The following KMT2E variants were observed in gnomAD, a reference collection of about 807,000 sequenced individuals.
The protein encoded by KMT2E is lysine methyltransferase 2E (inactive).
Under a neutral mutation model 184.6 loss-of-function variants are expected in KMT2E, and 30 were observed. The observed-to-expected ratio is 0.16, with a 90% CI of 0.12 to 0.22. The LOEUF (loss-of-function observed/expected upper bound fraction) is 0.22, where lower values mean the gene tolerates loss of function less well. Among genes scored for constraint, KMT2E ranks in the 10% least tolerant of loss-of-function variants. The pLI is 1.00. For missense variants in KMT2E, 2,023 were observed against 2,237.4 expected, an observed-to-expected ratio of 0.90 and a Z score of 1.93; for synonymous variants, 815 against 776.5, an observed-to-expected ratio of 1.05 and a Z score of -0.82.
chr7:105,095,809 T>A (rs925252430), intron 15 of KMT2E, among the ~76,000 whole-genome samples: 2 of 152,172 alleles, frequency 1.3e-5, no homozygotes, highest in Admixed American at 1.3e-4. Flanking sequence ...CTACTGAGTG[T>A]CCTCCTAGTA....
intron 17 of KMT2E, chr7:105,104,093 G>C (rs1349038677): frequency 6.6e-6 from 1 of 152,046 alleles, no homozygotes; most frequent in Non-Finnish European, 1.5e-5. Flanking sequence ...CCAAAGTGCT[G>C]TGATTACAGG....
intron 1 of KMT2E, among the ~76,000 whole-genome samples, chr7:105,019,100 G>C (rs1278937478): frequency 2.0e-5 from 3 of 151,896 alleles, no homozygotes; most frequent in South Asian, 2.1e-4. Flanking sequence ...TTGTTTTTTT[G>C]TTATTGTGAA....
At chr7:105,027,894 T>C (rs1346985039) in intron 1 of KMT2E, among the ~76,000 whole-genome samples, 1 of 152,122 alleles carries the variant, frequency 6.6e-6, no homozygotes, top group Non-Finnish European at 1.5e-5. Context: ...AGTCTTAAGA[T>C]TTTTATAGTA....
intron 8 of KMT2E, 95 bp downstream of exon 8, chr7:105,074,910 A>T: frequency 1.2e-6 from 1 of 846,524 alleles, no homozygotes; most frequent in African/African-American, 1.8e-5. Context: ...AATCGATGAT[A>T]GCTAAAAAGG....
chr7:105,083,939 T>C (rs377155552), intron 13 of KMT2E, among the ~76,000 whole-genome samples: 2 of 152,188 alleles, frequency 1.3e-5, no homozygotes, highest in South Asian at 2.1e-4. Context: ...ATTCCTTTTG[T>C]TTTATGTTAT....
At chr7:105,066,580 C>CA in intron 5 of KMT2E, 147 bp from the exon 6 acceptor site, 2 of 558,898 alleles carry the variant, frequency 3.6e-6, no homozygotes, top group Non-Finnish European at 3.1e-6. Context: ...GCCTTGAAGA[C>CA]ACGTTTCTAT....
At chr7:105,014,588 C>G (rs1051450847) in intron 1 of KMT2E, 53 bp downstream of exon 1, 2 of 151,806 alleles carry the variant, frequency 1.3e-5, no homozygotes, top group Non-Finnish European at 2.9e-5. Flanking sequence ...GGTTGGGGTA[C>G]TTGTGTTTCA....
rs373934878 is a variant in KMT2E, at chr7:105,112,538, A to G, written c.4782A>G (p.Thr1594=). Residue 1594 remains threonine, a synonymous_variant, in exon 27 of 27, where the codon ACA becomes ACG. Coordinates refer to ENST00000311117, the MANE Select transcript of KMT2E (RefSeq NM_182931.3). ...SGPNQALPGT[T]SQQTVPGHHV... ...CAAATCAAGCACTTCCTGGCACCAC[A>G]AGCCAGCAAACAGTTCCAGGACACC... 8.1e-6 allele frequency: 13 copies of G among 1,613,986 alleles called. No individual in the cohort carries two copies. The African/African-American group carries it at 1.3e-4, about 17-fold the overall frequency.
Position 105,014,260 on chromosome 7 carries a change from CG to C in KMT2E, c.-462del. 1 of 175,442 alleles carries C rather than the reference CG, an allele frequency of 5.7e-6. No individual in the cohort carries two copies. Among genetic ancestry groups the C allele is most frequent in the Non-Finnish European group, 1.2e-5 (1 of 84,410 alleles). 10.9% of individuals were successfully genotyped at this position (175,442 alleles called of 1,614,324 possible). Reference sequence around the variant, plus strand: ...CAGGGGGCCGAGTCGGAGACCGTGCCGGAGTTCGGGAGCGGCAACAGAGTGG... The same window carrying C: ...CAGGGGGCCGAGTCGGAGACCGTGCCGAGTTCGGGAGCGGCAACAGAGTGG... On this transcript the variant is annotated 5_prime_UTR_variant, in exon 1 of 27. Coordinates refer to ENST00000311117, the MANE Select transcript of KMT2E (RefSeq NM_182931.3).
chr7:105,019,255 A>G (rs1386771485), intron 1 of KMT2E, among the ~76,000 whole-genome samples: 2 of 152,208 alleles, frequency 1.3e-5, no homozygotes, highest in Non-Finnish European at 2.9e-5. Context: ...CAGAGTCAGG[A>G]AAAGCAGTTG....
intron 13 of KMT2E, 125 bp from the exon 14 acceptor site, chr7:105,089,884 A>G (rs1407224408): frequency 7.3e-7 from 1 of 1,372,702 alleles, no homozygotes; most frequent in African/African-American, 1.5e-5. Context: ...AAATTACTAA[A>G]AAGGATTGCT....
At chr7:105,108,340 T>C (rs1377069288) in intron 22 of KMT2E, among the ~76,000 whole-genome samples, 1 of 152,188 alleles carries the variant, frequency 6.6e-6, no homozygotes, top group African/African-American at 2.4e-5. Flanking sequence ...AGGCCATGGA[T>C]GTAAGAGTGT....
Position 105,113,021 on chromosome 7 carries a change from T to C in KMT2E, c.5265T>C (p.His1755=). The change falls in exon 27 of 27, where the codon CAT becomes CAC. Residue 1755 remains histidine, a synonymous_variant. Coordinates refer to ENST00000311117, the MANE Select transcript of KMT2E (RefSeq NM_182931.3). ...CTCCACTTTTTCCTTCGAGTGCTCA[T>C]CCAACTGTACCACCGTATCCCTCAC... ...QGPPLFPSSA[H]PTVPPYPSQA... 6.2e-7 allele frequency: 1 copy of C among 1,613,994 alleles called. No individual in the cohort carries two copies. Among genetic ancestry groups the C allele is most frequent in the Non-Finnish European group, 8.5e-7 (1 of 1,180,014 alleles).
intron 13 of KMT2E, among the ~76,000 whole-genome samples, chr7:105,089,802 G>A (rs1188012508): frequency 6.6e-6 from 1 of 151,856 alleles, no homozygotes; most frequent in Non-Finnish European, 1.5e-5. Context: ...CTAATATCTG[G>A]TCAGAAATCA....
Position 105,074,653 on chromosome 7 carries a change from C to T in KMT2E, c.567C>T (p.Thr189=), listed in dbSNP as rs767188561. ...TTATTTTGTCTGAAGATGGTGATAC[C>T]AGTGCAACTGAGAGTGGTGATGAGG... The part of the protein sequence containing the change: ...RKRENMSDGD[T]SATESGDEVP... Residue 189 remains threonine (T), a synonymous_variant, in exon 8 of 27, where the codon ACC becomes ACT. Transcript: ENST00000311117. 2 of 1,524,258 alleles carry T rather than the reference C, an allele frequency of 1.3e-6. No homozygotes were observed. The highest frequency in any genetic ancestry group is 1.3e-5 in the South Asian group (1 of 76,536). The allele number at this position is 1,524,258 out of a possible 1,614,324, so 94.4% of individuals were successfully genotyped here. A position where few individuals can be genotyped will look rare whatever the true frequency, so the allele number is the denominator to read the frequency against.
chr7:105,066,249 CCTT>C (rs1035871249), intron 5 of KMT2E, among the ~76,000 whole-genome samples: 8 of 152,138 alleles, frequency 5.3e-5, no homozygotes, highest in Middle Eastern at 3.2e-3. Flanking sequence ...ATTTTAACCT[CCTT>C]CTATTTCTCA....
chr7:105,030,588 G>T (rs560785948), intron 1 of KMT2E, among the ~76,000 whole-genome samples: 1 of 152,292 alleles, frequency 6.6e-6, no homozygotes, highest in South Asian at 2.1e-4. Context: ...GGCTTTTGAA[G>T]TATAATATTC....
intron 11 of KMT2E, among the ~76,000 whole-genome samples, chr7:105,078,486 A>G (rs953821272): frequency 1.3e-5 from 2 of 151,866 alleles, no homozygotes; most frequent in Admixed American, 1.3e-4. Flanking sequence ...GTAACAGATT[A>G]TTGTCCTAAA....
chr7:105,110,441 A>G (rs1799170942), intron 24 of KMT2E, 36 bp from the exon 25 acceptor site: 2 of 1,614,092 alleles, frequency 1.2e-6, no homozygotes, highest in Non-Finnish European at 1.7e-6. Flanking sequence ...TTGCAGCTCT[A>G]ATGTTCTCTT....
Sources: gnomAD v4.1 joint callset for allele counts (sites outside exome capture counted in the v4.1 genomes callset) on GRCh38, gnomAD v4.1.1 for gene constraint, MANE v1.5 for transcripts, NCBI Gene and HGNC (gene_info 2026-07-23, HGNC 2026-07-21) for gene names.